The following SMCHD1 variants were observed in gnomAD, a reference collection of about 807,000 sequenced individuals.
The protein encoded by SMCHD1 is structural maintenance of chromosomes flexible hinge domain containing 1.
In SMCHD1, 78 loss-of-function variants were observed where a neutral mutation model predicts 254.7. The ratio of observed to expected loss-of-function variants is 0.31; its 90% CI spans 0.26 to 0.37. The LOEUF (loss-of-function observed/expected upper bound fraction) is 0.37. Ranked by LOEUF, SMCHD1 falls within the 10% of genes least tolerant of loss-of-function variation. The probability of loss-of-function intolerance (pLI) is 1.00; values close to 1 mark genes in which losing one functional copy is unlikely to be tolerated. For missense variants in SMCHD1, 1,840 were observed against 2,408.1 expected (o/e 0.76, Z 4.94); for synonymous variants, 766 against 794.9 (o/e 0.96, Z 0.61).
intron 41 of SMCHD1, among the ~76,000 whole-genome samples, chr18:2,775,428 A>C (rs1441849003): frequency 6.6e-6 from 1 of 151,984 alleles, no homozygotes; most frequent in Non-Finnish European, 1.5e-5. Flanking sequence ...AGTATATATT[A>C]CTAGCTAATA....
chr18:2,729,331 C>G lies in SMCHD1; in HGVS notation c.2970C>G (p.Thr990=), dbSNP rs1041048493. The G allele has an allele frequency of 1.9e-6, 3 of 1,560,826 alleles. No individual in the cohort carries two copies. The highest frequency in any genetic ancestry group is 2.6e-6 in the Non-Finnish European group (3 of 1,152,542). The change falls in exon 24 of 48, where the codon ACC becomes ACG. Residue 990 remains threonine, a synonymous_variant. Coordinates refer to ENST00000320876, the MANE Select transcript of SMCHD1 (RefSeq NM_015295.3). Reference sequence around the variant, plus strand: ...TTGTAGATTGCAGTAGTTCTGGAACCAGTATTTTAACAGGATCTGCAATTC... The same window carrying G: ...TTGTAGATTGCAGTAGTTCTGGAACGAGTATTTTAACAGGATCTGCAATTC... ...VYVVDCSSSG[T]SILTGSAIQV...
intron 15 of SMCHD1, 190 bp from the exon 16 acceptor site, chr18:2,707,370 CTTT>C (rs201643920): frequency 3.2e-5 from 10 of 311,134 alleles, no homozygotes; most frequent in Non-Finnish European, 5.2e-5. Context: ...TTTTCTTCTT[CTTT>C]TTTTTCAGTA....
intron 17 of SMCHD1, among the ~76,000 whole-genome samples, chr18:2,711,391 C>G (rs964980606): frequency 2.4e-4 from 37 of 151,670 alleles, no homozygotes; most frequent in Non-Finnish European, 5.9e-5. Context: ...AGCCACTGCA[C>G]GTAGCCTTGT....
At chr18:2,786,946 AATTT>A (rs141823608) in intron 45 of SMCHD1, among the ~76,000 whole-genome samples, 29,044 of 152,034 alleles carry the variant, frequency 0.19, 3,013 homozygotes, top group Admixed American at 0.25. Context: ...TGAAATGTAC[AATTT>A]ATTTATTCTA....
chr18:2,764,890 G>A (rs1301908994), intron 37 of SMCHD1, among the ~76,000 whole-genome samples: 1 of 152,094 alleles, frequency 6.6e-6, no homozygotes, highest in Admixed American at 6.5e-5. Context: ...ATTACTAGAA[G>A]CAGAATGCGT....
chr18:2,682,217 C>T (rs111270333), intron 5 of SMCHD1, among the ~76,000 whole-genome samples: 72 of 151,760 alleles, frequency 4.7e-4, no homozygotes, highest in African/African-American at 1.6e-3. Context: ...CATATACATA[C>T]GTAGTTACTC....
At chr18:2,731,817 G>T (rs1239684213) in intron 24 of SMCHD1, among the ~76,000 whole-genome samples, 4 of 152,124 alleles carry the variant, frequency 2.6e-5, no homozygotes, top group Non-Finnish European at 5.9e-5. Context: ...TTTGAGACCA[G>T]CCTGGCCAAC....
intron 1 of SMCHD1, 65 bp from the exon 2 acceptor site, chr18:2,666,092 A>T: frequency 1.4e-6 from 1 of 731,340 alleles, no homozygotes; most frequent in African/African-American, 1.8e-5. Flanking sequence ...TCATATTTTT[A>T]TAAATTTGAA....
intron 37 of SMCHD1, among the ~76,000 whole-genome samples, chr18:2,764,288 A>C (rs950483238): frequency 6.6e-6 from 1 of 152,158 alleles, no homozygotes; most frequent in African/African-American, 2.4e-5. Context: ...CGGCATATAC[A>C]CTAATGCTGC....
chr18:2,739,304 A>G, intron 26 of SMCHD1, 128 bp from the exon 27 acceptor site: 1 of 681,256 alleles, frequency 1.5e-6, no homozygotes, highest in Non-Finnish European at 2.6e-6. Flanking sequence ...TTAAACAGTT[A>G]TTTGAAGGAG....
chr18:2,791,364 C>T (rs4797082), intron 45 of SMCHD1, among the ~76,000 whole-genome samples: 13,161 of 152,096 alleles, frequency 0.087, 952 homozygotes, highest in East Asian at 0.43. Flanking sequence ...CCAAGATGGG[C>T]GGATTGCTTG....
Position 2,663,721 on chromosome 18 carries a change from A to ATTTTT in SMCHD1, c.187-2429_187-2425dup, listed in dbSNP as rs577543378. ...TCTCTTCCACTGGTCTATTCCAGGAATTTTTTTTTTTAAGACGGAGTCTCG... is the reference window on the plus strand; with the variant it reads ...TCTCTTCCACTGGTCTATTCCAGGAATTTTTTTTTTTTTTTTAAGACGGAGTCTCG... On this transcript the variant is annotated intron_variant, in intron 1 of 47. Coordinates refer to ENST00000320876, the MANE Select transcript of SMCHD1 (RefSeq NM_015295.3). 4.2e-3 allele frequency among the ~76,000 whole-genome samples: 614 copies of ATTTTT among 146,518 alleles called. 5 individuals are homozygous for ATTTTT. Among genetic ancestry groups the ATTTTT allele is most frequent in the African/African-American group, 0.015 (592 of 39,292 alleles).
At chr18:2,676,863 T>C (rs2073761852) in intron 5 of SMCHD1, among the ~76,000 whole-genome samples, 1 of 152,236 alleles carries the variant, frequency 6.6e-6, no homozygotes, top group Admixed American at 6.5e-5. Context: ...GTAGCATGTG[T>C]ATTCTGAGGA....
intron 5 of SMCHD1, among the ~76,000 whole-genome samples, chr18:2,685,257 G>A (rs891756323): frequency 4.0e-5 from 6 of 151,592 alleles, no homozygotes; most frequent in South Asian, 2.1e-4. Flanking sequence ...CCGCCACCAC[G>A]CCCGGCTAAT....
rs1195988958 is a variant in SMCHD1, at chr18:2,743,810, C to T, written c.3683C>T (p.Pro1228Leu). The T allele has an allele frequency of 1.9e-6, 3 of 1,612,690 alleles. No homozygotes were observed. The highest frequency in any genetic ancestry group is 2.2e-5 in the East Asian group (1 of 44,792). The stretch of plus-strand genomic sequence containing the variant: ...AGAGGCATCAAATTTATTCCAGGTC[C>T]TCCTGGAAATAAGGATCTTTGTTTT... ...SVRGIKFIPG[P>L]PGNKDLCFTW... Residue 1228 changes from proline to leucine, a missense_variant, in exon 29 of 48, where the codon CCT (proline) becomes CTT (leucine). This residue lies in a region of SMCHD1 where 881 missense variants were observed against 1,009.5 expected (regional missense o/e 0.87). Transcript: ENST00000320876.
intron 26 of SMCHD1, 43 bp downstream of exon 26, chr18:2,738,588 A>T: frequency 6.5e-7 from 1 of 1,538,584 alleles, no homozygotes; most frequent in Non-Finnish European, 8.8e-7. Context: ...GCAACAAAAT[A>T]CTGTCCTCCA....
At chr18:2,728,377 T>G in intron 22 of SMCHD1, 80 bp from the exon 23 acceptor site, 2 of 1,347,110 alleles carry the variant, frequency 1.5e-6, no homozygotes, top group Non-Finnish European at 2.0e-6. Context: ...GTCTTTAATG[T>G]TAAAGTTATT....
Position 2,772,257 on chromosome 18 carries a change from A to T in SMCHD1, c.5060A>T (p.His1687Leu). 1 of 1,587,670 alleles carries T rather than the reference A, an allele frequency of 6.3e-7. No individual in the cohort carries two copies. The highest frequency in any genetic ancestry group is 1.2e-5 in the South Asian group (1 of 86,300). ...IDIPTTQQVP[H>L]IEALLKRKLS... ...TTTCTTTATAAATTATAGGTGCCAC[A>T]CATTGAAGCACTTCTGAAAAGAAAG... The change falls in exon 41 of 48, where the codon CAC (histidine) becomes CTC (leucine). Residue 1687 changes from histidine (H) to leucine (L), a missense_variant. His to Leu is a moderately conservative substitution (Grantham distance 99). This residue lies in a region of SMCHD1 where 881 missense variants were observed against 1,009.5 expected (regional missense o/e 0.87). Transcript: ENST00000320876.
rs1368375809 is a variant in SMCHD1, at chr18:2,657,146, G to A, written c.186+885G>A. Among the ~76,000 whole-genome samples the A allele has an allele frequency of 2.6e-5, 4 of 152,194 alleles. No homozygotes were observed. The East Asian group carries it at 7.7e-4, about 29-fold the overall frequency. On this transcript the variant is annotated intron_variant, in intron 1 of 47. Coordinates refer to ENST00000320876, the MANE Select transcript of SMCHD1 (RefSeq NM_015295.3). Reference sequence around the variant, plus strand: ...TCCAAGGGAAAAAAAGAACTTTGAAGCCGTGTTTTGTCGTGAGGCTGATAG... The same window carrying A: ...TCCAAGGGAAAAAAAGAACTTTGAAACCGTGTTTTGTCGTGAGGCTGATAG...
Sources: allele counts gnomAD v4.1 joint callset (sites outside exome capture counted in the v4.1 genomes callset), GRCh38; gene constraint gnomAD v4.1.1; regional missense constraint gnomAD v4.1.1; transcripts MANE v1.5; gene names NCBI Gene and HGNC (gene_info 2026-07-23, HGNC 2026-07-21).